The following CDH13 variants were observed in gnomAD, a reference collection of about 807,000 sequenced individuals.
CDH13 encodes cadherin-13.
In CDH13, 24 loss-of-function variants were observed where a neutral mutation model predicts 63.8. The ratio of observed to expected loss-of-function variants is 0.38; its 90% CI spans 0.27 to 0.53. The LOEUF is 0.53. Ranked by LOEUF, CDH13 falls within the 20% of genes least tolerant of loss-of-function variation. The pLI is 0.85. For missense variants in CDH13, 1,049 were observed against 903.1 expected, an observed-to-expected ratio of 1.16 and a Z score of -2.07; for synonymous variants, 503 against 355.3, an observed-to-expected ratio of 1.42 and a Z score of -4.67.
chr16:83,261,190 G>A (rs1694719493), intron 5 of CDH13, among the ~76,000 whole-genome samples: 1 of 152,168 alleles, frequency 6.6e-6, no homozygotes, highest in Admixed American at 6.5e-5. Flanking sequence ...GGGCGTGCAT[G>A]CGGAGTGGGC....
intron 2 of CDH13, among the ~76,000 whole-genome samples, chr16:82,978,166 C>T (rs894241763): frequency 6.6e-6 from 1 of 152,042 alleles, no homozygotes; most frequent in Non-Finnish European, 1.5e-5. Context: ...GGCTTGGGTG[C>T]TGTTAAAAGT....
At chr16:83,490,486 A>G (rs1321763229) in intron 7 of CDH13, among the ~76,000 whole-genome samples, 1 of 152,156 alleles carries the variant, frequency 6.6e-6, no homozygotes, top group Non-Finnish European at 1.5e-5. Flanking sequence ...GATGTCTCAC[A>G]TGGAGCCATC....
intron 7 of CDH13, 64 bp downstream of exon 7, chr16:83,486,719 G>A: frequency 2.0e-6 from 3 of 1,470,272 alleles, no homozygotes; most frequent in South Asian, 2.3e-5. Flanking sequence ...TGCAAGGGAT[G>A]ATGTGGGGCT....
At chr16:83,581,015 C>T (rs974857669) in intron 7 of CDH13, among the ~76,000 whole-genome samples, 2 of 152,100 alleles carry the variant, frequency 1.3e-5, no homozygotes, top group African/African-American at 4.8e-5. Context: ...TAGATGGTGC[C>T]ATTTATTCTG....
rs577105334 is a variant in CDH13, at chr16:83,796,374, C to T, written c.*1344C>T. 2.6e-5 allele frequency: 4 copies of T among 152,276 alleles called. No homozygotes were observed. Among genetic ancestry groups the T allele is most frequent in the East Asian group, 1.9e-4 (1 of 5,182 alleles). 9.4% of individuals were successfully genotyped at this position (152,276 alleles called of 1,614,324 possible). The stretch of plus-strand genomic sequence containing the variant: ...GCAGTTGCTTACTAAAGGTTTTAAC[C>T]GCACATGCACACACACACGCTTTCT... On this transcript the variant is annotated 3_prime_UTR_variant, in exon 14 of 14. Transcript: ENST00000567109.
At chr16:83,141,340 C>G (rs1340829024) in intron 4 of CDH13, among the ~76,000 whole-genome samples, 4 of 152,162 alleles carry the variant, frequency 2.6e-5, no homozygotes, top group Admixed American at 6.5e-5. Context: ...AATGGCTGCC[C>G]TGAGCCTGGG....
chr16:82,815,246 C>T (rs894990197), intron 1 of CDH13, among the ~76,000 whole-genome samples: 5 of 152,002 alleles, frequency 3.3e-5, no homozygotes, highest in Middle Eastern at 3.2e-3. Context: ...ACAGAGACCC[C>T]GAATGAGGGC....
intron 7 of CDH13, among the ~76,000 whole-genome samples, chr16:83,588,406 G>C (rs1015341725): frequency 6.6e-6 from 1 of 152,300 alleles, no homozygotes; most frequent in East Asian, 1.9e-4. Context: ...CATTTACTGA[G>C]AGTGACTGAG....
intron 5 of CDH13, among the ~76,000 whole-genome samples, chr16:83,300,475 A>G (rs1370913387): frequency 1.3e-5 from 2 of 152,248 alleles, no homozygotes; most frequent in African/African-American, 2.4e-5. Flanking sequence ...TTTAAAGACA[A>G]ATGAACTGAG....
At chr16:82,948,773 A>C (rs1904999222) in intron 2 of CDH13, among the ~76,000 whole-genome samples, 1 of 152,158 alleles carries the variant, frequency 6.6e-6, no homozygotes, top group African/African-American at 2.4e-5. Context: ...ACACACCAAA[A>C]GGTACCATAT....
intron 4 of CDH13, among the ~76,000 whole-genome samples, chr16:83,201,668 C>T (rs919880714): frequency 2.0e-5 from 3 of 151,240 alleles, no homozygotes; most frequent in South Asian, 2.1e-4. Flanking sequence ...GAGGCTGAGG[C>T]GGGCAGGTCA....
chr16:83,178,626 CTGGT>C (rs1408021871), intron 4 of CDH13, among the ~76,000 whole-genome samples: 3 of 152,118 alleles, frequency 2.0e-5, no homozygotes, highest in Non-Finnish European at 4.4e-5. Context: ...ATTCTGTTAG[CTGGT>C]TGATTTTATT....
chr16:82,694,060 C>T (rs556204797), intron 1 of CDH13, among the ~76,000 whole-genome samples: 1 of 152,182 alleles, frequency 6.6e-6, no homozygotes, highest in Non-Finnish European at 1.5e-5. Context: ...AAAACATATA[C>T]TTAAACACTA....
At chr16:83,722,387 G>C (rs369773498) in intron 10 of CDH13, among the ~76,000 whole-genome samples, 1 of 152,322 alleles carries the variant, frequency 6.6e-6, no homozygotes, top group African/African-American at 2.4e-5. Context: ...TGTTGCCCTA[G>C]AGCCAATTCA....
At chr16:83,590,338 C>G (rs765795379) in intron 7 of CDH13, among the ~76,000 whole-genome samples, 2 of 152,036 alleles carry the variant, frequency 1.3e-5, no homozygotes, top group Non-Finnish European at 2.9e-5. Context: ...AGGACAGACT[C>G]GAGAGGAAGG....
chr16:82,792,011 G>T (rs2036330804), intron 1 of CDH13, among the ~76,000 whole-genome samples: 1 of 152,126 alleles, frequency 6.6e-6, no homozygotes. Flanking sequence ...AGATTTGGGT[G>T]GGGACACAAA....
chr16:83,064,875 C>T (rs1411944928), intron 3 of CDH13, among the ~76,000 whole-genome samples: 2 of 152,046 alleles, frequency 1.3e-5, no homozygotes, highest in African/African-American at 4.8e-5. Context: ...TTGAAATTGA[C>T]TCTCTTAGTT....
At chr16:82,824,032 G>A (rs2038127210) in intron 1 of CDH13, 1 of 152,052 alleles carries the variant, frequency 6.6e-6, no homozygotes, top group African/African-American at 2.4e-5. Flanking sequence ...TTATATTTGA[G>A]GCAGGAAATA....
At chr16:83,613,329 C>G (rs905136352) in intron 8 of CDH13, among the ~76,000 whole-genome samples, 1 of 152,190 alleles carries the variant, frequency 6.6e-6, no homozygotes, top group Non-Finnish European at 1.5e-5. Flanking sequence ...AAACCCATCT[C>G]TTCAAATATT....
Sources: gnomAD v4.1 joint callset for allele counts (sites outside exome capture counted in the v4.1 genomes callset) on GRCh38, gnomAD v4.1.1 for gene constraint, MANE v1.5 for transcripts, NCBI Gene and HGNC (gene_info 2026-07-23, HGNC 2026-07-21) for gene names.